GAS2: variants seen among roughly 807,000 people sequenced by gnomAD.
The protein encoded by GAS2 is growth arrest-specific protein 2.
In GAS2, 20 loss-of-function variants were observed where a neutral mutation model predicts 37.5. That is an observed-to-expected ratio of 0.53 (90% confidence interval 0.37 to 0.77). GAS2 has a LOEUF of 0.77. Among genes scored for constraint, GAS2 ranks in the 30% least tolerant of loss-of-function variants. GAS2 has a pLI of 0.00. For synonymous variants in GAS2, 144 were observed against 132.2 expected, an observed-to-expected ratio of 1.09 and a Z score of -0.61; for missense variants, 336 against 373.4, an observed-to-expected ratio of 0.90 and a Z score of 0.82.
At chr11:22,693,455 G>A (rs1191186795) in intron 3 of GAS2, among the ~76,000 whole-genome samples, 1 of 152,088 alleles carries the variant, frequency 6.6e-6, no homozygotes, top group Non-Finnish European at 1.5e-5. Flanking sequence ...TTGAGATGTG[G>A]TAGAAGTCAC....
chr11:22,730,924 T>C (rs1024523957), intron 4 of GAS2, among the ~76,000 whole-genome samples: 4 of 151,826 alleles, frequency 2.6e-5, no homozygotes, highest in Non-Finnish European at 5.9e-5. Flanking sequence ...TTAACCACGT[T>C]TTCTAAAATG....
At chr11:22,698,340 A>G (rs1332654836) in intron 3 of GAS2, among the ~76,000 whole-genome samples, 3 of 152,154 alleles carry the variant, frequency 2.0e-5, no homozygotes, top group African/African-American at 7.2e-5. Context: ...ATCTCTGAAT[A>G]GACCAATAAC....
intron 7 of GAS2, among the ~76,000 whole-genome samples, chr11:22,775,220 G>T (rs554950560): frequency 6.6e-6 from 1 of 152,204 alleles, no homozygotes; most frequent in East Asian, 1.9e-4. Flanking sequence ...AATCATTCAG[G>T]CTGTAGTGCA....
intron 5 of GAS2, among the ~76,000 whole-genome samples, chr11:22,744,811 C>T (rs1036990239): frequency 6.6e-6 from 1 of 151,904 alleles, no homozygotes; most frequent in Non-Finnish European, 1.5e-5. Context: ...CTAGCCAGAG[C>T]GATCAGGCAA....
At chr11:22,710,825 T>C (rs1478011906) in intron 3 of GAS2, among the ~76,000 whole-genome samples, 2 of 152,190 alleles carry the variant, frequency 1.3e-5, no homozygotes, top group Non-Finnish European at 1.5e-5. Context: ...TGTTTTTCCT[T>C]CTGCAGAAGT....
intron 1 of GAS2, among the ~76,000 whole-genome samples, chr11:22,647,579 C>T (rs1848716586): frequency 6.6e-6 from 1 of 152,196 alleles, no homozygotes; most frequent in Non-Finnish European, 1.5e-5. Context: ...TCCTCTCCAG[C>T]ACCTATTGTT....
At chr11:22,801,263 A>G (rs1450340204) in intron 7 of GAS2, among the ~76,000 whole-genome samples, 1 of 152,030 alleles carries the variant, frequency 6.6e-6, no homozygotes, top group Non-Finnish European at 1.5e-5. Context: ...AGACCCCTTG[A>G]TACTGCAGTG....
chr11:22,687,528 A>G (rs1182731244), intron 3 of GAS2, among the ~76,000 whole-genome samples: 2 of 152,272 alleles, frequency 1.3e-5, no homozygotes, highest in Non-Finnish European at 2.9e-5. Flanking sequence ...AGTAATTTGT[A>G]CAAGATTGGC....
intron 1 of GAS2, among the ~76,000 whole-genome samples, chr11:22,645,845 CTTT>C (rs71037516): frequency 9.0e-5 from 10 of 111,400 alleles, no homozygotes; most frequent in Admixed American, 1.9e-4. Context: ...CTTTTCTTTT[CTTT>C]TTTTTTTTTT....
chr11:22,800,954 T>C (rs1414293616), intron 7 of GAS2, among the ~76,000 whole-genome samples: 3 of 93,548 alleles, frequency 3.2e-5, no homozygotes, highest in African/African-American at 1.5e-4. Context: ...AAATGCATAT[T>C]TTTTTCTGGC....
At chr11:22,679,310 T>A (rs992886147) in intron 2 of GAS2, among the ~76,000 whole-genome samples, 3 of 152,128 alleles carry the variant, frequency 2.0e-5, no homozygotes, top group African/African-American at 7.2e-5. Flanking sequence ...GTACATTAAA[T>A]ATACACATTT....
At chr11:22,739,712 C>T (rs1438671383) in intron 5 of GAS2, among the ~76,000 whole-genome samples, 1 of 151,680 alleles carries the variant, frequency 6.6e-6, no homozygotes, top group Admixed American at 6.6e-5. Context: ...TCTAGAGTTC[C>T]TACTTAAAGA....
At chr11:22,642,892 T>TA (rs1295359805) in intron 1 of GAS2, among the ~76,000 whole-genome samples, 4 of 152,140 alleles carry the variant, frequency 2.6e-5, no homozygotes, top group African/African-American at 9.7e-5. Flanking sequence ...AAAAGGATGT[T>TA]AAAACAGCGG....
chr11:22,712,939 A>G (rs1851477659), intron 3 of GAS2, among the ~76,000 whole-genome samples: 1 of 151,852 alleles, frequency 6.6e-6, no homozygotes. Context: ...GTAGCCAGGC[A>G]TGGTGGCTCA....
At chr11:22,644,514 A>T (rs1037143371) in intron 1 of GAS2, among the ~76,000 whole-genome samples, 20 of 152,230 alleles carry the variant, frequency 1.3e-4, no homozygotes, top group African/African-American at 4.8e-4. Flanking sequence ...ACTATAGCTT[A>T]CATTTCTGTT....
intron 1 of GAS2, among the ~76,000 whole-genome samples, chr11:22,641,853 T>C (rs1244297700): frequency 1.3e-5 from 2 of 152,164 alleles, no homozygotes; most frequent in Non-Finnish European, 2.9e-5. Flanking sequence ...CAAATACCTG[T>C]CATTGCCATA....
intron 7 of GAS2, among the ~76,000 whole-genome samples, chr11:22,758,912 T>C (rs1462894636): frequency 8.6e-4 from 3 of 3,488 alleles, no homozygotes; most frequent in African/African-American, 1.1e-3. Flanking sequence ...AAACTCCGTC[T>C]CAAAAAAAAA....
At chr11:22,698,393 A>T (rs953287379) in intron 3 of GAS2, among the ~76,000 whole-genome samples, 2 of 152,004 alleles carry the variant, frequency 1.3e-5, no homozygotes, top group African/African-American at 4.8e-5. Context: ...TACCAACCAA[A>T]AAGAGTCCAG....
chr11:22,776,952 A>G (rs1005101560), intron 7 of GAS2, among the ~76,000 whole-genome samples: 6 of 152,192 alleles, frequency 3.9e-5, no homozygotes, highest in Admixed American at 6.5e-5. Flanking sequence ...CTGGCATGTC[A>G]TAACTATTGA....
Sources: allele counts gnomAD v4.1 joint callset (sites outside exome capture counted in the v4.1 genomes callset), GRCh38; gene constraint gnomAD v4.1.1; transcripts MANE v1.5; gene names NCBI Gene and HGNC (gene_info 2026-07-23, HGNC 2026-07-21).